The following SAXO1 variants were observed in gnomAD, a reference collection of about 807,000 sequenced individuals.
SAXO1 encodes the protein stabilizer of axonemal microtubules 1.
In SAXO1, 21 loss-of-function variants were observed where a neutral mutation model predicts 17.5. The ratio of observed to expected loss-of-function variants is 1.20; its 90% CI spans 0.85 to 1.72. The LOEUF is 1.72. Among genes scored for constraint, SAXO1 ranks in the 40% most tolerant of loss-of-function variants. SAXO1 has a pLI of 0.00. For missense variants in SAXO1, 843 were observed against 596.0 expected (o/e 1.41, Z -4.32); for synonymous variants, 274 against 216.5 (o/e 1.27, Z -2.33).
intron 1 of SAXO1, among the ~76,000 whole-genome samples, chr9:18,960,799 T>TCAAA (rs1554671601): frequency 6.6e-6 from 1 of 151,702 alleles, no homozygotes; most frequent in African/African-American, 2.4e-5. Context: ...AAAAAATTGC[T>TCAAA]GAATTAATCG....
At chr9:18,988,898 T>C (rs1390774862) in intron 1 of SAXO1, among the ~76,000 whole-genome samples, 1 of 152,210 alleles carries the variant, frequency 6.6e-6, no homozygotes, top group Non-Finnish European at 1.5e-5. Flanking sequence ...ACCCAAATCA[T>C]GGTGTACCTG....
At chr9:18,942,810 C>G (rs536006674) in intron 2 of SAXO1, among the ~76,000 whole-genome samples, 35 of 152,372 alleles carry the variant, frequency 2.3e-4, no homozygotes, top group African/African-American at 7.0e-4. Context: ...AGGGCACTCG[C>G]AACTTCCCAC....
rs541067902 is a variant in SAXO1 at position 19,028,040 on chromosome 9, G to A, written c.38+4831C>T. ...GTGGAGGCGGGTATGATCGCACTGC[G>A]CAGGGGTGCCACGGAGCTCACCCAC... On this transcript the variant is annotated intron_variant, in intron 1 of 3. Transcript: ENST00000380534. 370 of 1,610,694 alleles carry A rather than the reference G, an allele frequency of 2.3e-4. No individual in the cohort carries two copies. The African/African-American group carries it at 4.2e-3, about 18-fold the overall frequency.
intron 1 of SAXO1, among the ~76,000 whole-genome samples, chr9:19,048,676 A>G (rs1484274521): frequency 6.6e-6 from 1 of 152,232 alleles, no homozygotes; most frequent in Admixed American, 6.5e-5. Flanking sequence ...TTCATCATTT[A>G]GTATCTGTGT....
At chr9:19,024,852 G>A (rs1054516852) in intron 1 of SAXO1, among the ~76,000 whole-genome samples, 16 of 152,186 alleles carry the variant, frequency 1.1e-4, no homozygotes, top group Admixed American at 9.8e-4. Context: ...CTGAAGGTCA[G>A]TAATAAATAT....
rs1366443134 is a variant in SAXO1, at chr9:18,999,555, C to T, written c.38+33316G>A. Among the ~76,000 whole-genome samples, 413 of 134,858 alleles carry T rather than the reference C, an allele frequency of 3.1e-3. 11 individuals are homozygous for T. Among genetic ancestry groups the T allele is most frequent in the Middle Eastern group, 6.3e-3 (1 of 158 alleles). The allele number at this position is 134,858 out of a possible 152,430, so 88.5% of individuals were successfully genotyped here. A position where few individuals can be genotyped will look rare whatever the true frequency, so the allele number is the denominator to read the frequency against. On this transcript the variant is annotated intron_variant, in intron 1 of 3. Transcript: ENST00000380534. ...GCCACACCGTCTGGGAAGTGAGGAG[C>T]GCCGCTGCCTGGCCGCCACACCATC...
At chr9:18,942,881 C>G (rs564716030) in intron 2 of SAXO1, among the ~76,000 whole-genome samples, 2 of 152,342 alleles carry the variant, frequency 1.3e-5, no homozygotes, top group South Asian at 4.1e-4. Flanking sequence ...CTGTTTTTGC[C>G]TGGAACCCAT....
intron 1 of SAXO1, chr9:19,027,609 T>A: frequency 7.0e-7 from 1 of 1,433,448 alleles, no homozygotes; most frequent in Admixed American, 1.7e-5. Flanking sequence ...CTGGTGCAGA[T>A]GTTCACTGGA....
At chr9:18,965,181 T>C (rs540302837) in intron 1 of SAXO1, among the ~76,000 whole-genome samples, 90 of 152,300 alleles carry the variant, frequency 5.9e-4, no homozygotes, top group South Asian at 1.5e-3. Flanking sequence ...TCCAATTATG[T>C]GGTCAATTTT....
At chr9:18,936,162 AC>A (rs943215013) in intron 3 of SAXO1, among the ~76,000 whole-genome samples, 8 of 151,820 alleles carry the variant, frequency 5.3e-5, no homozygotes, top group Non-Finnish European at 1.0e-4. Flanking sequence ...TCCTGATACC[AC>A]CCCCTCATCC....
At chr9:18,984,988 T>G (rs1833537124) in intron 1 of SAXO1, among the ~76,000 whole-genome samples, 1 of 152,164 alleles carries the variant, frequency 6.6e-6, no homozygotes, top group Admixed American at 6.5e-5. Context: ...CTAAGTGCTT[T>G]AATTGCCCTA....
chr9:19,038,838 A>C (rs930472774), intron 1 of SAXO1, among the ~76,000 whole-genome samples: 1 of 152,060 alleles, frequency 6.6e-6, no homozygotes, highest in African/African-American at 2.4e-5. Flanking sequence ...CTTTAAAAAA[A>C]TTAAAAAAAA....
chr9:18,982,978 C>G (rs1438792746), intron 1 of SAXO1, among the ~76,000 whole-genome samples: 2 of 152,008 alleles, frequency 1.3e-5, no homozygotes, highest in African/African-American at 4.8e-5. Context: ...GCACCTAAAT[C>G]AGCAGAGGAA....
intron 1 of SAXO1, among the ~76,000 whole-genome samples, chr9:18,970,503 C>A (rs867221546): frequency 6.6e-6 from 1 of 152,186 alleles, no homozygotes. Context: ...CAAGTTCAGG[C>A]AAAGAACTGG....
chr9:18,953,098 A>G (rs1268503383), intron 1 of SAXO1, among the ~76,000 whole-genome samples: 1 of 152,224 alleles, frequency 6.6e-6, no homozygotes, highest in East Asian at 1.9e-4. Context: ...GATTCCGACA[A>G]ACCTCAGATC....
intron 1 of SAXO1, among the ~76,000 whole-genome samples, chr9:19,020,178 T>C (rs1033670812): frequency 1.3e-5 from 2 of 152,080 alleles, no homozygotes; most frequent in African/African-American, 4.8e-5. Flanking sequence ...CATAAAACTG[T>C]AGTGAAGTAA....
intron 1 of SAXO1, among the ~76,000 whole-genome samples, chr9:18,958,522 G>T: frequency 6.6e-6 from 1 of 152,060 alleles, no homozygotes; most frequent in South Asian, 2.1e-4. Context: ...TGAAGTATAA[G>T]TCAGAGAAAA....
chr9:18,975,485 T>C (rs1414599749), intron 1 of SAXO1, among the ~76,000 whole-genome samples: 1 of 152,188 alleles, frequency 6.6e-6, no homozygotes, highest in African/African-American at 2.4e-5. Context: ...AATGGAATCA[T>C]TTGCCCTCCC....
intron 1 of SAXO1, among the ~76,000 whole-genome samples, chr9:19,042,532 G>C (rs1306568515): frequency 6.6e-6 from 1 of 152,202 alleles, no homozygotes; most frequent in East Asian, 1.9e-4. Flanking sequence ...GCCAAGATTT[G>C]GAAGCAATCT....
Sources: allele counts gnomAD v4.1 joint callset (sites outside exome capture counted in the v4.1 genomes callset), GRCh38; gene constraint gnomAD v4.1.1; transcripts MANE v1.5; gene names NCBI Gene and HGNC (gene_info 2026-07-23, HGNC 2026-07-21).